Variants in TRPM3 observed in about 807,000 individuals in gnomAD.
TRPM3 encodes the protein long transient receptor potential channel 3.
Under a neutral mutation model 181.2 loss-of-function variants are expected in TRPM3, and 77 were observed. That is an observed-to-expected ratio of 0.42 (90% confidence interval 0.35 to 0.51). The LOEUF (loss-of-function observed/expected upper bound fraction) is 0.51. TRPM3 is among the 20% of genes least tolerant of loss of function. The pLI, the probability that TRPM3 is intolerant of heterozygous loss-of-function variation, is 0.01. For synonymous variants in TRPM3, 745 were observed against 796.4 expected (o/e 0.94, Z 1.09); for missense variants, 1,759 against 2,196.7 (o/e 0.80, Z 3.98).
chr9:71,349,437 G>T lies in TRPM3; in HGVS notation c.183+97216C>A, dbSNP rs373863308. Reference sequence around the variant, plus strand: ...AGCTGAGCAGATTAAGACTCACAGAGCAATTCACATTCCAGAAAACCAGCA... The same window carrying T: ...AGCTGAGCAGATTAAGACTCACAGATCAATTCACATTCCAGAAAACCAGCA... On this transcript the variant is annotated intron_variant, in intron 1 of 24. Coordinates refer to the TRPM3 transcript ENST00000357533. 2.0e-5 allele frequency among the ~76,000 whole-genome samples: 3 copies of T among 152,278 alleles called. No individual in the cohort carries two copies. The South Asian group carries it at 6.2e-4, about 32-fold the overall frequency.
At chr9:70,791,974 G>A (rs935855857) in intron 6 of TRPM3, among the ~76,000 whole-genome samples, 3 of 152,068 alleles carry the variant, frequency 2.0e-5, no homozygotes, top group African/African-American at 7.2e-5. Context: ...GTAATCGGAG[G>A]ACAAAGGACA....
chr9:70,892,318 TA>T (rs1323563079), intron 1 of TRPM3, among the ~76,000 whole-genome samples: 1 of 151,810 alleles, frequency 6.6e-6, no homozygotes. Flanking sequence ...AGTCTGAACA[TA>T]AAAAAAGGCA....
intron 6 of TRPM3, among the ~76,000 whole-genome samples, chr9:70,814,153 G>A (rs892526317): frequency 6.6e-6 from 1 of 152,190 alleles, no homozygotes; most frequent in Non-Finnish European, 1.5e-5. Context: ...AGCTGAAGAA[G>A]TTTGACATGT....
intron 1 of TRPM3, among the ~76,000 whole-genome samples, chr9:71,023,162 C>T (rs1408508707): frequency 1.3e-5 from 2 of 152,004 alleles, no homozygotes; most frequent in African/African-American, 4.8e-5. Context: ...ATAAACAATT[C>T]AATTAGAAAA....
At chr9:71,296,084 T>A (rs1194161672) in intron 1 of TRPM3, among the ~76,000 whole-genome samples, 2 of 152,110 alleles carry the variant, frequency 1.3e-5, no homozygotes, top group Admixed American at 6.6e-5. Flanking sequence ...AAATACTAAG[T>A]ATAGATGCTC....
At chr9:71,346,793 G>T (rs144009174) in intron 1 of TRPM3, among the ~76,000 whole-genome samples, 31 of 152,332 alleles carry the variant, frequency 2.0e-4, no homozygotes, top group African/African-American at 7.2e-4. Flanking sequence ...CAGAGTAGGG[G>T]TGGGAGGTAG....
intron 1 of TRPM3, among the ~76,000 whole-genome samples, chr9:71,029,728 C>A (rs2057045777): frequency 6.6e-6 from 1 of 151,940 alleles, no homozygotes; most frequent in African/African-American, 2.4e-5. Flanking sequence ...TATGAGAGAC[C>A]TTCAGCAAAA....
intron 9 of TRPM3, among the ~76,000 whole-genome samples, chr9:70,643,190 A>G (rs1202992563): frequency 2.0e-5 from 3 of 152,198 alleles, no homozygotes; most frequent in Non-Finnish European, 4.4e-5. Flanking sequence ...ATAAGTAGAA[A>G]TGTGTCAAAA....
At chr9:71,054,803 C>T (rs1388915178) in intron 1 of TRPM3, among the ~76,000 whole-genome samples, 1 of 152,064 alleles carries the variant, frequency 6.6e-6, no homozygotes, top group Non-Finnish European at 1.5e-5. Flanking sequence ...ATCAGGTAAA[C>T]CTCACCTGGT....
chr9:71,329,784 G>C (rs2089981918), intron 1 of TRPM3, among the ~76,000 whole-genome samples: 3 of 152,212 alleles, frequency 2.0e-5, no homozygotes, highest in Admixed American at 1.3e-4. Context: ...TGGGGGTATT[G>C]TCTAACAATG....
At chr9:70,835,767 T>C (rs2094279734) in intron 5 of TRPM3, among the ~76,000 whole-genome samples, 1 of 151,954 alleles carries the variant, frequency 6.6e-6, no homozygotes, top group Admixed American at 6.6e-5. Flanking sequence ...CATAGAACAA[T>C]GAAAATATGA....
At chr9:71,289,570 C>T (rs1394769799) in intron 1 of TRPM3, among the ~76,000 whole-genome samples, 1 of 151,912 alleles carries the variant, frequency 6.6e-6, no homozygotes, top group Non-Finnish European at 1.5e-5. Flanking sequence ...TTGTATGTTT[C>T]AAAATAGCTA....
In TRPM3 at chr9:70,936,777, G is replaced by A. The variant is rs139637836; in HGVS notation, c.178-72266C>T. 1.5e-3 allele frequency among the ~76,000 whole-genome samples: 228 copies of A among 152,274 alleles called. 2 individuals carry two copies. Among genetic ancestry groups the A allele is most frequent in the African/African-American group, 4.8e-3 (198 of 41,554 alleles). ...CTCCAGAAGAGAGCTGTCCCTGTACGTAAAGTGAAATAAGATCAAATTCAT... is the reference window on the plus strand; with the variant it reads ...CTCCAGAAGAGAGCTGTCCCTGTACATAAAGTGAAATAAGATCAAATTCAT... On this transcript the variant is annotated intron_variant, in intron 1 of 25. Transcript: ENST00000677713.
intron 3 of TRPM3, among the ~76,000 whole-genome samples, chr9:70,855,937 A>G (rs546131241): frequency 6.6e-6 from 1 of 151,728 alleles, no homozygotes; most frequent in African/African-American, 2.4e-5. Flanking sequence ...TAGTTTGATG[A>G]CCCACAAAAC....
chr9:70,553,513 C>T lies in TRPM3; in HGVS notation c.3224-203G>A, dbSNP rs11142484. Among the ~76,000 whole-genome samples, 161 of 152,164 alleles carry T rather than the reference C, an allele frequency of 1.1e-3. 1 individual carries two copies. The East Asian group carries it at 0.021, about 20-fold the overall frequency. ...CTGCTACTGTGGTGGTGGGGGGCCT[C>T]GGTTCCACAGTCTCCCCAAGTTATC... On this transcript the variant is annotated intron_variant, in intron 22 of 25. Transcript: ENST00000677713.
At chr9:71,164,305 CA>C (rs1165796228) in intron 1 of TRPM3, among the ~76,000 whole-genome samples, 1 of 152,172 alleles carries the variant, frequency 6.6e-6, no homozygotes, top group East Asian at 1.9e-4. Flanking sequence ...CAAGGTTTAA[CA>C]GCTTGGGAAA....
At chr9:71,254,680 A>G (rs2082567024) in intron 1 of TRPM3, among the ~76,000 whole-genome samples, 1 of 152,222 alleles carries the variant, frequency 6.6e-6, no homozygotes, top group African/African-American at 2.4e-5. Flanking sequence ...TGATCTACCA[A>G]AACAGTATTT....
At chr9:70,950,426 T>G (rs138055569) in intron 1 of TRPM3, among the ~76,000 whole-genome samples, 1,790 of 152,332 alleles carry the variant, frequency 0.012, 39 homozygotes, top group African/African-American at 0.041. Context: ...TTTTCATGGA[T>G]TAGGGTGACA....
upstream of TRPM3, among the ~76,000 whole-genome samples, chr9:71,126,240 C>T (rs144005039): frequency 4.2e-3 from 636 of 152,142 alleles, 6 homozygotes; most frequent in Non-Finnish European, 6.5e-3. Context: ...CAGATGCTGG[C>T]GAGGCTGTGG....
Sources: allele counts gnomAD v4.1 joint callset (sites outside exome capture counted in the v4.1 genomes callset), GRCh38; gene constraint gnomAD v4.1.1; transcripts MANE v1.5; gene names NCBI Gene and HGNC (gene_info 2026-07-23, HGNC 2026-07-21).